Variants in BRINP1 observed in about 807,000 individuals in gnomAD.
The protein encoded by BRINP1 is BMP/retinoic acid inducible neural specific 1.
In BRINP1, 17 loss-of-function variants were observed where a neutral mutation model predicts 72.9. The ratio of observed to expected loss-of-function variants is 0.23; its 90% CI spans 0.16 to 0.35. The LOEUF (loss-of-function observed/expected upper bound fraction) is 0.35, where lower values mean the gene tolerates loss of function less well. BRINP1 is among the 10% of genes least tolerant of loss of function. The probability of loss-of-function intolerance (pLI) is 1.00; values close to 1 mark genes in which losing one functional copy is unlikely to be tolerated. For synonymous variants in BRINP1, 418 were observed against 378.5 expected (o/e 1.10, Z -1.21); for missense variants, 850 against 1,001.6 (o/e 0.85, Z 2.04).
chr9:119,204,347 C>T (rs1194278022), intron 7 of BRINP1, among the ~76,000 whole-genome samples: 1 of 152,198 alleles, frequency 6.6e-6, no homozygotes, highest in Non-Finnish European at 1.5e-5. Flanking sequence ...CAAAATACCC[C>T]TTTTGCCTTC....
At chr9:119,320,129 T>C (rs1831170486) in intron 1 of BRINP1, among the ~76,000 whole-genome samples, 1 of 152,034 alleles carries the variant, frequency 6.6e-6, no homozygotes, top group African/African-American at 2.4e-5. Flanking sequence ...GAAAAGGAAA[T>C]TTCAGCAGAA....
chr9:119,260,947 T>A (rs1463451117), intron 2 of BRINP1, among the ~76,000 whole-genome samples: 1 of 152,130 alleles, frequency 6.6e-6, no homozygotes, highest in Non-Finnish European at 1.5e-5. Flanking sequence ...GTAAATGTCA[T>A]GAAAACACAG....
chr9:119,203,448 C>T (rs1829824084), intron 7 of BRINP1, among the ~76,000 whole-genome samples: 1 of 152,050 alleles, frequency 6.6e-6, no homozygotes, highest in South Asian at 2.1e-4. Context: ...AATTTATATG[C>T]CAACTATCAG....
intron 7 of BRINP1, among the ~76,000 whole-genome samples, chr9:119,188,709 G>T (rs1829652491): frequency 6.6e-6 from 1 of 152,154 alleles, no homozygotes; most frequent in Non-Finnish European, 1.5e-5. Flanking sequence ...TTGAACCCAG[G>T]AGTTTGAGGC....
At chr9:119,253,842 T>C (rs1245728839) in intron 2 of BRINP1, among the ~76,000 whole-genome samples, 1 of 152,198 alleles carries the variant, frequency 6.6e-6, no homozygotes, top group Non-Finnish European at 1.5e-5. Context: ...ACAGGATGAA[T>C]GACTATGTGT....
intron 4 of BRINP1, among the ~76,000 whole-genome samples, chr9:119,240,611 G>T (rs1830237048): frequency 6.6e-6 from 1 of 152,152 alleles, no homozygotes; most frequent in African/African-American, 2.4e-5. Flanking sequence ...GCTTCATAAA[G>T]ATCCATCTCT....
intron 3 of BRINP1, among the ~76,000 whole-genome samples, chr9:119,245,168 C>T (rs777089909): frequency 2.0e-5 from 3 of 151,182 alleles, no homozygotes; most frequent in East Asian, 3.9e-4. Flanking sequence ...GCAATACAAA[C>T]GCTCATATGC....
intron 2 of BRINP1, among the ~76,000 whole-genome samples, chr9:119,300,964 G>A (rs1297904509): frequency 1.3e-5 from 2 of 152,042 alleles, no homozygotes; most frequent in African/African-American, 2.4e-5. Context: ...TGCTTTACTC[G>A]GCACCTACTA....
intron 1 of BRINP1, among the ~76,000 whole-genome samples, chr9:119,338,378 T>A (rs547723938): frequency 4.0e-5 from 6 of 151,894 alleles, no homozygotes; most frequent in African/African-American, 1.4e-4. Flanking sequence ...TTTTTATATC[T>A]CTTGTCTACT....
chr9:119,247,338 TG>T (rs1188319958), intron 3 of BRINP1, among the ~76,000 whole-genome samples: 1 of 151,746 alleles, frequency 6.6e-6, no homozygotes, highest in Non-Finnish European at 1.5e-5. Context: ...ATTGGGTTGG[TG>T]GGGAAGTGAG....
chr9:119,177,249 G>A (rs1202742226), intron 7 of BRINP1, among the ~76,000 whole-genome samples: 1 of 152,132 alleles, frequency 6.6e-6, no homozygotes, highest in Non-Finnish European at 1.5e-5. Context: ...CACAGCTCCA[G>A]GCCTCCCCAG....
intron 7 of BRINP1, among the ~76,000 whole-genome samples, chr9:119,197,491 A>G (rs1829751558): frequency 1.3e-5 from 2 of 152,194 alleles, no homozygotes; most frequent in South Asian, 4.1e-4. Flanking sequence ...TATTATTATC[A>G]TCATTTTTTT....
chr9:119,319,452 G>T (rs987067090), intron 1 of BRINP1, among the ~76,000 whole-genome samples: 1 of 152,110 alleles, frequency 6.6e-6, no homozygotes, highest in Admixed American at 6.5e-5. Context: ...TAATGGAAAT[G>T]GATATTTTGT....
At chr9:119,296,355 T>C (rs1830877517) in intron 2 of BRINP1, among the ~76,000 whole-genome samples, 1 of 152,122 alleles carries the variant, frequency 6.6e-6, no homozygotes, top group Non-Finnish European at 1.5e-5. Context: ...ACCTTGCACG[T>C]GTTAGAATAG....
At chr9:119,293,763 AAAG>A (rs1360343107) in intron 2 of BRINP1, among the ~76,000 whole-genome samples, 1 of 152,192 alleles carries the variant, frequency 6.6e-6, no homozygotes, top group African/African-American at 2.4e-5. Context: ...AAAAGAAAAA[AAAG>A]AAAACGAAGA....
chr9:119,275,794 A>AT (rs1184731623), intron 2 of BRINP1, among the ~76,000 whole-genome samples: 12 of 152,206 alleles, frequency 7.9e-5, no homozygotes, highest in Non-Finnish European at 1.6e-4. Flanking sequence ...AATGGCTCAT[A>AT]TGGTATATGA....
At chr9:119,192,321 A>G (rs769171886) in intron 7 of BRINP1, among the ~76,000 whole-genome samples, 1 of 152,038 alleles carries the variant, frequency 6.6e-6, no homozygotes, top group Non-Finnish European at 1.5e-5. Flanking sequence ...CAACCTACAG[A>G]CTGAGAAAAA....
chr9:119,265,805 T>G (rs1830542988), intron 2 of BRINP1, among the ~76,000 whole-genome samples: 1 of 152,186 alleles, frequency 6.6e-6, no homozygotes, highest in Admixed American at 6.5e-5. Flanking sequence ...TCACGAGGTT[T>G]TGGTGTACAG....
intron 7 of BRINP1, among the ~76,000 whole-genome samples, chr9:119,198,483 G>C (rs1293783026): frequency 6.6e-6 from 1 of 152,082 alleles, no homozygotes; most frequent in South Asian, 2.1e-4. Flanking sequence ...TGTCAGACTA[G>C]AGAGTCTGAA....
Sources: gnomAD v4.1 joint callset for allele counts (sites outside exome capture counted in the v4.1 genomes callset) on GRCh38, gnomAD v4.1.1 for gene constraint, MANE v1.5 for transcripts, NCBI Gene and HGNC (gene_info 2026-07-23, HGNC 2026-07-21) for gene names.